ANO1: variants seen among roughly 807,000 people sequenced by gnomAD.
The protein encoded by ANO1 is anoctamin-1.
ANO1 carries 59 observed loss-of-function variants against 124.0 expected under a neutral mutation model. That is an observed-to-expected ratio of 0.48 (90% CI 0.39 to 0.59). The LOEUF is 0.59. Among genes scored for constraint, ANO1 ranks in the 20% least tolerant of loss-of-function variants. The probability of loss-of-function intolerance (pLI) is 0.00; values close to 1 mark genes in which losing one functional copy is unlikely to be tolerated. For synonymous variants in ANO1, 529 were observed against 532.0 expected (o/e 0.99, Z 0.08); for missense variants, 1,059 against 1,328.0 (o/e 0.80, Z 3.15).
chr11:70,120,403 G>A (rs969102241), intron 8 of ANO1, among the ~76,000 whole-genome samples: 3 of 152,266 alleles, frequency 2.0e-5, no homozygotes, highest in African/African-American at 4.8e-5. Context: ...GTTCTGGTGG[G>A]CAGCTGCTGC....
the ANO1 span, among the ~76,000 whole-genome samples, chr11:69,969,353 G>A: frequency 0.46 from 69,411 of 151,972 alleles, 17,992 homozygotes; most frequent in South Asian, 0.7. Flanking sequence ...CCTGGTGCTG[G>A]GACTGACCTG....
chr11:70,093,164 C>A (rs913590329), intron 2 of ANO1, among the ~76,000 whole-genome samples: 8 of 151,336 alleles, frequency 5.3e-5, no homozygotes, highest in African/African-American at 1.9e-4. Flanking sequence ...TGTCTCCTCT[C>A]CCTCTCTATC....
At chr11:70,028,103 C>T (rs931434802) in intron 1 of ANO1, among the ~76,000 whole-genome samples, 6 of 152,132 alleles carry the variant, frequency 3.9e-5, no homozygotes, top group Admixed American at 6.5e-5. Flanking sequence ...TCCGAATAAG[C>T]GCCAATTCTG....
intron 3 of ANO1, 80 bp downstream of exon 3, chr11:70,103,244 C>A: frequency 9.0e-7 from 1 of 1,115,186 alleles, no homozygotes; most frequent in Non-Finnish European, 1.3e-6. Context: ...AACATGCCGA[C>A]CTCGAGGCCC....
intron 8 of ANO1, among the ~76,000 whole-genome samples, chr11:70,118,117 T>C (rs1167846307): frequency 2.6e-5 from 4 of 151,322 alleles, no homozygotes; most frequent in Non-Finnish European, 4.4e-5. Context: ...CTAAAAATGC[T>C]TCTTCCATGG....
rs11232327 is a variant in ANO1, at chr11:70,061,704, G to A, written c.59-16838G>A. On this transcript the variant is annotated intron_variant, in intron 1 of 27. Coordinates refer to the ANO1 transcript ENST00000531349. The stretch of plus-strand genomic sequence containing the variant: ...TTCTTGACACAGCAGCTACTCTTTT[G>A]TGGCCAGAAGCAGAGCTCCCCATGA... 4.6e-5 allele frequency among the ~76,000 whole-genome samples: 7 copies of A among 152,104 alleles called. No homozygotes were observed. In the East Asian group the frequency reaches 1.4e-3, roughly 29 times the overall value.
intron 1 of ANO1, among the ~76,000 whole-genome samples, chr11:70,029,186 A>G (rs1285223802): frequency 6.6e-6 from 1 of 152,236 alleles, no homozygotes; most frequent in East Asian, 1.9e-4. Flanking sequence ...ATGGGTGAGC[A>G]AATGAGGCAC....
At chr11:70,065,565 C>A (rs1209974855) in intron 1 of ANO1, among the ~76,000 whole-genome samples, 4 of 151,708 alleles carry the variant, frequency 2.6e-5, no homozygotes, top group African/African-American at 9.7e-5. Context: ...TTCCTCTCTG[C>A]CCTTGTCCCC....
chr11:70,167,739 C>T (rs1340003034), intron 21 of ANO1, among the ~76,000 whole-genome samples: 2 of 152,096 alleles, frequency 1.3e-5, no homozygotes, highest in African/African-American at 2.4e-5. Flanking sequence ...TCTCCATCAG[C>T]GCAGCCCGAC....
At chr11:70,061,870 C>T (rs1482497576) in intron 1 of ANO1, among the ~76,000 whole-genome samples, 1 of 152,068 alleles carries the variant, frequency 6.6e-6, no homozygotes, top group Non-Finnish European at 1.5e-5. Context: ...GGGAGGGTCT[C>T]TACCTCTGTT....
intron 1 of ANO1, among the ~76,000 whole-genome samples, chr11:70,024,523 A>G (rs1555002963): frequency 6.6e-6 from 1 of 152,130 alleles, no homozygotes. Flanking sequence ...AAGGTTTCTT[A>G]TGCCAGTGAT....
chr11:70,071,144 A>G (rs1446310615), intron 1 of ANO1, among the ~76,000 whole-genome samples: 1 of 152,190 alleles, frequency 6.6e-6, no homozygotes, highest in African/African-American at 2.4e-5. Context: ...GTCATCAGAT[A>G]TGTTTTGTAA....
upstream of ANO1, among the ~76,000 whole-genome samples, chr11:69,983,000 C>T (rs782661870): frequency 1.1e-4 from 17 of 152,054 alleles, no homozygotes; most frequent in Non-Finnish European, 2.2e-4. Context: ...CAGAGAAGGT[C>T]AATGAGGAAA....
At chr11:70,077,933 A>G (rs1482564217), upstream of ANO1, among the ~76,000 whole-genome samples, 7 of 152,082 alleles carry the variant, frequency 4.6e-5, no homozygotes, top group African/African-American at 1.7e-4. Flanking sequence ...GAACCAGGCA[A>G]GCTCCCCGGA....
intron 11 of ANO1, among the ~76,000 whole-genome samples, chr11:70,135,822 G>A (rs971424404): frequency 1.3e-5 from 2 of 152,254 alleles, no homozygotes; most frequent in African/African-American, 2.4e-5. Flanking sequence ...CACGCCGGGC[G>A]ATAAGAGGTC....
chr11:70,140,311 C>T (rs1205590942), intron 11 of ANO1, among the ~76,000 whole-genome samples: 1 of 152,094 alleles, frequency 6.6e-6, no homozygotes, highest in African/African-American at 2.4e-5. Flanking sequence ...GTGTGGATCA[C>T]CTGAGGTCAC....
intron 8 of ANO1, among the ~76,000 whole-genome samples, chr11:70,117,205 G>A (rs1288079518): frequency 1.4e-5 from 2 of 142,096 alleles, no homozygotes; most frequent in Non-Finnish European, 3.0e-5. Flanking sequence ...AGAGTAGCTT[G>A]GATTACAGGT....
At position 70,163,271 on chromosome 11, in the gene ANO1, C is replaced by G. The variant is rs753121347; in HGVS notation, c.1893-12C>G. 3.1e-6 allele frequency: 5 copies of G among 1,612,756 alleles called. No individual in the cohort carries two copies. In the African/African-American group the frequency reaches 5.3e-5, roughly 17 times the overall value. ...CTCATCTTTTCTCTAACGACCTCCC[C>G]CATCGTTTCAGGTTTGTTGGACGCC... On this transcript the variant is annotated splice_polypyrimidine_tract_variant and intron_variant, in intron 18 of 25. Transcript: ENST00000355303.
upstream of ANO1, among the ~76,000 whole-genome samples, chr11:70,076,314 A>C (rs114496802): frequency 0.026 from 4,020 of 152,264 alleles, 177 homozygotes; most frequent in African/African-American, 0.092. Flanking sequence ...CACCTTGCCT[A>C]GGAGATGGCC....
Sources: gnomAD v4.1 joint callset for allele counts (sites outside exome capture counted in the v4.1 genomes callset) on GRCh38, gnomAD v4.1.1 for gene constraint, MANE v1.5 for transcripts, NCBI Gene and HGNC (gene_info 2026-07-23, HGNC 2026-07-21) for gene names.